Variants in ADCY7 observed in about 807,000 individuals in gnomAD.
The protein encoded by ADCY7 is adenylate cyclase type 7.
ADCY7 carries 72 observed loss-of-function variants against 120.6 expected under a neutral mutation model. The observed-to-expected ratio is 0.60, with a 90% CI of 0.49 to 0.73. ADCY7 has a LOEUF of 0.73. Ranked by LOEUF, ADCY7 falls within the 30% of genes least tolerant of loss-of-function variation. The pLI, the probability that ADCY7 is intolerant of heterozygous loss-of-function variation, is 0.00. For missense variants in ADCY7, 1,227 were observed against 1,486.0 expected, an observed-to-expected ratio of 0.83 and a Z score of 2.87; for synonymous variants, 661 against 628.0, an observed-to-expected ratio of 1.05 and a Z score of -0.78.
At chr16:50,291,985 C>T (rs549501193) in intron 4 of ADCY7, 88 bp downstream of exon 4, 354 of 1,412,178 alleles carry the variant, frequency 2.5e-4, no homozygotes, top group Admixed American at 1.0e-3. Context: ...GAATCAGACC[C>T]GAAGGCCCCG....
intron 2 of ADCY7, 127 bp from the exon 3 acceptor site, chr16:50,290,330 G>C: frequency 1.0e-6 from 1 of 975,378 alleles, no homozygotes; most frequent in Non-Finnish European, 1.5e-6. Flanking sequence ...CCAGGTGTGG[G>C]AGGGTGCATC....
chr16:50,310,995 G>C, intron 19 of ADCY7, 115 bp downstream of exon 19: 1 of 1,113,530 alleles, frequency 9.0e-7, no homozygotes, highest in Non-Finnish European at 1.3e-6. Context: ...TGCAGGGCGG[G>C]GCTGGCAGAT....
intron 1 of ADCY7, among the ~76,000 whole-genome samples, chr16:50,259,705 C>T (rs202211464): frequency 1.5e-4 from 23 of 152,272 alleles, no homozygotes; most frequent in East Asian, 7.7e-4. Context: ...GGGCAGTAGC[C>T]GCAGGGTGCC....
At chr16:50,259,027 A>G (rs1333179415) in intron 1 of ADCY7, among the ~76,000 whole-genome samples, 1 of 151,938 alleles carries the variant, frequency 6.6e-6, no homozygotes, top group Non-Finnish European at 1.5e-5. Context: ...CTTTTTCTTG[A>G]TTGTAGCTGG....
intron 1 of ADCY7, among the ~76,000 whole-genome samples, chr16:50,255,895 G>A (rs1169274663): frequency 6.6e-6 from 1 of 152,168 alleles, no homozygotes; most frequent in Admixed American, 6.5e-5. Context: ...CAGGCAGGAG[G>A]ATGAAATTAG....
chr16:50,284,508 C>T (rs1471447831), intron 1 of ADCY7, among the ~76,000 whole-genome samples: 1 of 152,246 alleles, frequency 6.6e-6, no homozygotes, highest in Non-Finnish European at 1.5e-5. Flanking sequence ...ATGCACGTGT[C>T]TGGCCGCCTC....
chr16:50,305,587 G>A lies in ADCY7; in HGVS notation c.1679+1G>A, dbSNP rs948532550. 2 of 1,596,838 alleles carry A rather than the reference G, an allele frequency of 1.3e-6. No individual in the cohort carries two copies. The highest frequency in any genetic ancestry group is 8.5e-7 in the Non-Finnish European group (1 of 1,170,096). On this transcript the variant is annotated splice_donor_variant, in intron 13 of 25. Coordinates refer to ENST00000673801, the MANE Select transcript of ADCY7 (RefSeq NM_001114.5). LOFTEE classifies it high-confidence loss of function. Reference sequence around the variant, plus strand: ...CCATTGAGGGGCTCAGCTCCACGAGGTGAGGTCTGAGACCTCTGTCCACCC... The same window carrying A: ...CCATTGAGGGGCTCAGCTCCACGAGATGAGGTCTGAGACCTCTGTCCACCC...
chr16:50,294,596 G>A (rs1270238118), intron 6 of ADCY7, 44 bp from the exon 7 acceptor site: 2 of 1,274,050 alleles, frequency 1.6e-6, no homozygotes, highest in East Asian at 2.4e-5. Context: ...CTGCTGTCTA[G>A]GAGCCTGGCT....
At chr16:50,308,937 A>G in intron 17 of ADCY7, 145 bp downstream of exon 17, 1 of 979,304 alleles carries the variant, frequency 1.0e-6, no homozygotes, top group Non-Finnish European at 1.4e-6. Context: ...CCCTTTGTAC[A>G]CTCAGGGCTC....
chr16:50,305,631 G>C (rs778884953), intron 13 of ADCY7, 45 bp downstream of exon 13: 1 of 1,554,084 alleles, frequency 6.4e-7, no homozygotes, highest in East Asian at 2.3e-5. Context: ...TCTCCCCCTC[G>C]GATAGGGGTC....
chr16:50,305,468 G>C (rs375933428), intron 12 of ADCY7, 35 bp from the exon 13 acceptor site: 1 of 1,589,320 alleles, frequency 6.3e-7, no homozygotes, highest in South Asian at 1.1e-5. Context: ...GGAGGTGGTC[G>C]CTGTGCTGAT....
intron 1 of ADCY7, among the ~76,000 whole-genome samples, 197 bp from the exon 2 acceptor site, chr16:50,287,715 T>C (rs888280886): frequency 1.3e-5 from 2 of 149,012 alleles, no homozygotes; most frequent in Admixed American, 6.7e-5. Context: ...ATGTGGCTAG[T>C]GGCTACTATC....
chr16:50,304,282 G>A, intron 10 of ADCY7, 78 bp from the exon 11 acceptor site: 1 of 1,312,640 alleles, frequency 7.6e-7, no homozygotes. Flanking sequence ...TTCAGGGAGA[G>A]CTGGATGGGG....
intron 1 of ADCY7, among the ~76,000 whole-genome samples, chr16:50,284,252 G>A (rs2034450297): frequency 6.6e-6 from 1 of 152,198 alleles, no homozygotes. Flanking sequence ...CTTGTTCCAG[G>A]AGCTGGCCAA....
At chr16:50,308,819 C>G in intron 17 of ADCY7, 27 bp downstream of exon 17, 1 of 1,588,716 alleles carries the variant, frequency 6.3e-7, no homozygotes, top group Non-Finnish European at 8.6e-7. Flanking sequence ...GGAGGCAGGC[C>G]TCCGGGGTAG....
intron 7 of ADCY7, among the ~76,000 whole-genome samples, chr16:50,295,592 A>C (rs770950323): frequency 6.6e-6 from 1 of 152,022 alleles, no homozygotes; most frequent in Non-Finnish European, 1.5e-5. Context: ...GAGTAGAAAG[A>C]AAGCCCCGTG....
rs968545803 is a variant in ADCY7, at chr16:50,287,987, G to A, written c.-193G>A. The A allele has an allele frequency of 5.0e-5, 27 of 539,906 alleles. No individual in the cohort carries two copies. Among genetic ancestry groups the A allele is most frequent in the Middle Eastern group, 4.8e-4 (1 of 2,078 alleles). The allele number at this position is 539,906 out of a possible 1,614,324, so 33.4% of individuals were successfully genotyped here. ...GCTGGCGGCACAGTGAGTGAGGCCTGGTGCCAGAGCTGTGCGGACCCCTTG... is the reference window on the plus strand; with the variant it reads ...GCTGGCGGCACAGTGAGTGAGGCCTAGTGCCAGAGCTGTGCGGACCCCTTG... On this transcript the variant is annotated 5_prime_UTR_variant, in exon 2 of 26. Transcript: ENST00000673801.
Position 50,294,627 on chromosome 16 carries a change from G to GCCCCCAACCC in ADCY7, c.837-9_837-8insCAACCCCCCC. The GCCCCCAACCC allele has an allele frequency of 7.8e-7, 1 of 1,287,402 alleles. No homozygotes were observed. The highest frequency in any genetic ancestry group is 1.1e-6 in the Non-Finnish European group (1 of 891,696). 79.7% of individuals were successfully genotyped at this position (1,287,402 alleles called of 1,614,324 possible). A position where few individuals can be genotyped will look rare whatever the true frequency, so the allele number is the denominator to read the frequency against. The stretch of plus-strand genomic sequence containing the variant: ...TGGCTCTGACACTCCCTCCCACCCT[G>GCCCCCAACCC]CCCCATCCCCAGCATCCTCTATGCG... On this transcript the variant is annotated splice_polypyrimidine_tract_variant and intron_variant, in intron 6 of 25. Coordinates refer to ENST00000673801, the MANE Select transcript of ADCY7 (RefSeq NM_001114.5).
intron 10 of ADCY7, among the ~76,000 whole-genome samples, 200 bp from the exon 11 acceptor site, chr16:50,304,160 T>A (rs1351791468): frequency 6.6e-6 from 1 of 152,122 alleles, no homozygotes; most frequent in African/African-American, 2.4e-5. Flanking sequence ...GGCCTCAGAG[T>A]GCACCAGGCT....
Sources: gnomAD v4.1 joint callset for allele counts (sites outside exome capture counted in the v4.1 genomes callset) on GRCh38, gnomAD v4.1.1 for gene constraint, MANE v1.5 for transcripts, NCBI Gene and HGNC (gene_info 2026-07-23, HGNC 2026-07-21) for gene names.